The following ADGRV1 variants were observed in gnomAD, a reference collection of about 807,000 sequenced individuals.
The protein encoded by ADGRV1 is G-protein coupled receptor 98.
Under a neutral mutation model 596.2 loss-of-function variants are expected in ADGRV1, and 359 were observed. The observed-to-expected ratio is 0.60, with a 90% CI of 0.55 to 0.66. The LOEUF (loss-of-function observed/expected upper bound fraction) is 0.66, where lower values mean the gene tolerates loss of function less well. ADGRV1 is among the 30% of genes least tolerant of loss of function. The pLI is 0.00. For missense variants in ADGRV1, 7,274 were observed against 7,575.6 expected (o/e 0.96, Z 1.48); for synonymous variants, 2,681 against 2,679.2 (o/e 1.00, Z -0.02).
chr5:90,874,855 C>CA (rs146727961), intron 83 of ADGRV1, among the ~76,000 whole-genome samples: 3,582 of 144,562 alleles, frequency 0.025, 121 homozygotes, highest in East Asian at 0.15. Flanking sequence ...GACTCTGTCT[C>CA]AAAAAAAAAC....
intron 85 of ADGRV1, among the ~76,000 whole-genome samples, chr5:91,067,451 G>T (rs965896108): frequency 6.6e-6 from 1 of 152,254 alleles, no homozygotes; most frequent in South Asian, 2.1e-4. Context: ...CCGCAAAGGA[G>T]ATTTTTAAGA....
intron 85 of ADGRV1, among the ~76,000 whole-genome samples, chr5:90,990,455 A>G (rs1396731083): frequency 7.9e-5 from 12 of 152,320 alleles, no homozygotes; most frequent in African/African-American, 2.6e-4. Context: ...TATCTAAACT[A>G]GAAAAAGGAA....
chr5:90,698,718 G>GA (rs903804381), intron 34 of ADGRV1, among the ~76,000 whole-genome samples: 2 of 151,466 alleles, frequency 1.3e-5, no homozygotes, highest in Non-Finnish European at 2.9e-5. Context: ...GTGGACAGAG[G>GA]AAAAAAAAGC....
At chr5:91,159,453 CA>C (rs1796758977) in intron 89 of ADGRV1, among the ~76,000 whole-genome samples, 1 of 152,170 alleles carries the variant, frequency 6.6e-6, no homozygotes, top group African/African-American at 2.4e-5. Context: ...GCCCATAAAA[CA>C]GTCATGGACT....
At chr5:90,584,959 C>T (rs1402789074) in intron 1 of ADGRV1, among the ~76,000 whole-genome samples, 4 of 152,050 alleles carry the variant, frequency 2.6e-5, no homozygotes, top group Non-Finnish European at 5.9e-5. Context: ...TAATAACAAG[C>T]AAGGTAGCTA....
chr5:90,854,268 T>C, intron 81 of ADGRV1, 67 bp downstream of exon 81: 4 of 1,168,850 alleles, frequency 3.4e-6, no homozygotes, highest in South Asian at 1.6e-5. Context: ...CTGAGCCTAA[T>C]GTTTTGTACT....
At chr5:90,667,418 C>T (rs1397309455) in intron 21 of ADGRV1, among the ~76,000 whole-genome samples, 1 of 147,216 alleles carries the variant, frequency 6.8e-6, no homozygotes. Context: ...CCTGAGGCTT[C>T]TGCATTCTTC....
Position 90,778,975 on chromosome 5 carries a change from G to T in ADGRV1, c.12960G>T (p.Gly4320=). 6.2e-7 allele frequency: 1 copy of T among 1,613,482 alleles called. No homozygotes were observed. The highest frequency in any genetic ancestry group is 8.5e-7 in the Non-Finnish European group (1 of 1,179,528). ...EAGLDFVPAA[G]ELLFEAGEMR... ...GCTTGGATTTTGTTCCTGCAGCAGG[G>T]GAGCTCCTCTTTGAAGCAGGGGAGA... The change falls in exon 64 of 90, where the codon GGG becomes GGT. Residue 4320 remains glycine, a synonymous_variant. Coordinates refer to ENST00000405460, the MANE Select transcript of ADGRV1 (RefSeq NM_032119.4).
chr5:90,619,304 T>C, intron 4 of ADGRV1, 123 bp downstream of exon 4: 1 of 467,030 alleles, frequency 2.1e-6, no homozygotes, highest in African/African-American at 2.0e-5. Flanking sequence ...AAATTTGCTT[T>C]AACTTTGTCC....
intron 1 of ADGRV1, among the ~76,000 whole-genome samples, chr5:90,578,740 C>A (rs941562966): frequency 6.6e-6 from 1 of 152,140 alleles, no homozygotes; most frequent in Non-Finnish European, 1.5e-5. Flanking sequence ...TCCGTCTGGT[C>A]GTGGACTTTT....
chr5:90,982,689 G>T (rs1312384291), intron 84 of ADGRV1, among the ~76,000 whole-genome samples: 1 of 152,082 alleles, frequency 6.6e-6, no homozygotes, highest in African/African-American at 2.4e-5. Flanking sequence ...TACTTCAGTC[G>T]ACCAGCTTAG....
intron 25 of ADGRV1, 30 bp from the exon 26 acceptor site, chr5:90,679,519 T>G (rs1260501580): frequency 6.5e-7 from 1 of 1,534,502 alleles, no homozygotes; most frequent in East Asian, 2.2e-5. Flanking sequence ...GTGTGTTGTG[T>G]GGGTTGTGTC....
intron 5 of ADGRV1, 132 bp from the exon 6 acceptor site, chr5:90,624,998 A>G: frequency 1.6e-6 from 1 of 614,308 alleles, no homozygotes; most frequent in Non-Finnish European, 3.0e-6. Context: ...GGGCAGAATG[A>G]TGTATGGGTT....
At chr5:90,854,680 T>A (rs11744325) in intron 81 of ADGRV1, among the ~76,000 whole-genome samples, 37,385 of 152,098 alleles carry the variant, frequency 0.25, 5,263 homozygotes, top group Non-Finnish European at 0.32. Flanking sequence ...ATGATTCTTT[T>A]TTTGAATCTC....
intron 34 of ADGRV1, among the ~76,000 whole-genome samples, chr5:90,701,199 T>TAG (rs1747866889): frequency 6.6e-6 from 1 of 152,102 alleles, no homozygotes; most frequent in Non-Finnish European, 1.5e-5. Context: ...AGAAGGCTGT[T>TAG]TAGTACCTAG....
intron 45 of ADGRV1, among the ~76,000 whole-genome samples, chr5:90,724,411 G>A (rs1166625926): frequency 6.6e-6 from 1 of 151,908 alleles, no homozygotes; most frequent in East Asian, 1.9e-4. Context: ...TGTATTTTTA[G>A]TAGAGAACGG....
intron 1 of ADGRV1, among the ~76,000 whole-genome samples, chr5:90,572,659 C>T (rs965720726): frequency 6.6e-6 from 1 of 152,134 alleles, no homozygotes; most frequent in African/African-American, 2.4e-5. Flanking sequence ...TGCACACACA[C>T]ATGAATTAAC....
intron 85 of ADGRV1, among the ~76,000 whole-genome samples, chr5:91,055,678 A>G (rs1286432814): frequency 6.6e-6 from 1 of 152,164 alleles, no homozygotes; most frequent in African/African-American, 2.4e-5. Flanking sequence ...TGAAATTATC[A>G]TGTTCTTTTC....
At chr5:91,057,075 A>C (rs1234302093) in intron 85 of ADGRV1, among the ~76,000 whole-genome samples, 15 of 152,186 alleles carry the variant, frequency 9.9e-5, no homozygotes, top group Admixed American at 9.8e-4. Context: ...GTACCAACCT[A>C]ATATTTTCTC....
Sources: gnomAD v4.1 joint callset for allele counts (sites outside exome capture counted in the v4.1 genomes callset) on GRCh38, gnomAD v4.1.1 for gene constraint, MANE v1.5 for transcripts, NCBI Gene and HGNC (gene_info 2026-07-23, HGNC 2026-07-21) for gene names.